Variants in PDE4D observed in about 807,000 individuals in gnomAD.
The protein encoded by PDE4D is phosphodiesterase 4D, also known as 3',5'-cyclic-AMP phosphodiesterase 4D.
Under a neutral mutation model 87.4 loss-of-function variants are expected in PDE4D, and 24 were observed. The ratio of observed to expected loss-of-function variants is 0.27; its 90% CI spans 0.20 to 0.39. PDE4D has a LOEUF of 0.39. PDE4D is among the 10% of genes least tolerant of loss of function. The pLI is 1.00. For missense variants in PDE4D, 714 were observed against 1,041.0 expected, an observed-to-expected ratio of 0.69 and a Z score of 4.32; for synonymous variants, 384 against 383.2, an observed-to-expected ratio of 1.00 and a Z score of -0.02.
chr5:60,342,634 T>C (rs1758408629), intron 1 of PDE4D, among the ~76,000 whole-genome samples: 1 of 152,080 alleles, frequency 6.6e-6, no homozygotes, highest in Non-Finnish European at 1.5e-5. Flanking sequence ...AACAAGACAA[T>C]GTTTAACTCC....
chr5:60,417,178 G>A (rs1333987383), intron 1 of PDE4D, among the ~76,000 whole-genome samples: 2 of 152,218 alleles, frequency 1.3e-5, no homozygotes, highest in African/African-American at 2.4e-5. Context: ...AGTGTGCCCA[G>A]AGAACAGCCT....
intron 1 of PDE4D, among the ~76,000 whole-genome samples, chr5:60,202,909 A>G (rs1742087980): frequency 6.6e-6 from 1 of 152,208 alleles, no homozygotes; most frequent in Non-Finnish European, 1.5e-5. Context: ...TTGAATCAGT[A>G]TGAAAAAAAG....
At chr5:59,491,318 A>G (rs908525747) in intron 1 of PDE4D, among the ~76,000 whole-genome samples, 13 of 152,234 alleles carry the variant, frequency 8.5e-5, no homozygotes, top group African/African-American at 2.9e-4. Context: ...CAGATACTGC[A>G]AAGTAGGTAA....
chr5:59,478,691 A>G (rs1803733360), intron 1 of PDE4D, among the ~76,000 whole-genome samples: 1 of 152,104 alleles, frequency 6.6e-6, no homozygotes, highest in South Asian at 2.1e-4. Context: ...CACCAATTTC[A>G]ATTAAAATCT....
At chr5:59,110,314 C>A (rs13362115) in intron 5 of PDE4D, among the ~76,000 whole-genome samples, 6,825 of 152,244 alleles carry the variant, frequency 0.045, 506 homozygotes, top group African/African-American at 0.16. Context: ...ATAGTTAATT[C>A]TCCAGGGAAA....
intron 1 of PDE4D, among the ~76,000 whole-genome samples, chr5:60,360,703 G>T (rs1413654819): frequency 1.3e-5 from 2 of 152,178 alleles, no homozygotes; most frequent in Admixed American, 1.3e-4. Flanking sequence ...GTCTTCTTTT[G>T]TCATTTTATA....
chr5:60,369,626 T>A (rs937822569), intron 1 of PDE4D, among the ~76,000 whole-genome samples: 2 of 152,132 alleles, frequency 1.3e-5, no homozygotes, highest in Non-Finnish European at 2.9e-5. Context: ...ATGGTCCATG[T>A]CATAGGGACT....
chr5:60,275,013 A>C (rs1028830075), intron 1 of PDE4D, among the ~76,000 whole-genome samples: 7 of 152,218 alleles, frequency 4.6e-5, no homozygotes, highest in African/African-American at 1.7e-4. Flanking sequence ...GCTGCCTCAG[A>C]ATCACTTGAA....
chr5:59,600,713 G>A (rs1324360615), intron 1 of PDE4D, among the ~76,000 whole-genome samples: 4 of 152,120 alleles, frequency 2.6e-5, no homozygotes, highest in Admixed American at 6.6e-5. Context: ...GCTGGTGGGT[G>A]AGCTCATCTG....
intron 1 of PDE4D, among the ~76,000 whole-genome samples, chr5:59,848,764 C>G (rs1244863902): frequency 6.6e-6 from 1 of 152,020 alleles, no homozygotes; most frequent in African/African-American, 2.4e-5. Flanking sequence ...GAAATATCAG[C>G]TGTAAAGTGT....
chr5:59,376,737 A>G (rs747997466), intron 1 of PDE4D, among the ~76,000 whole-genome samples: 1 of 152,198 alleles, frequency 6.6e-6, no homozygotes, highest in Non-Finnish European at 1.5e-5. Flanking sequence ...GGCAATCCTC[A>G]GCAAAAAGAA....
chr5:59,653,530 G>A (rs1287348220), intron 1 of PDE4D, among the ~76,000 whole-genome samples: 2 of 152,158 alleles, frequency 1.3e-5, no homozygotes, highest in Non-Finnish European at 2.9e-5. Flanking sequence ...TAGAAGTGGG[G>A]TGTGGTATAA....
intron 1 of PDE4D, among the ~76,000 whole-genome samples, chr5:59,605,311 T>C (rs1220809866): frequency 6.6e-6 from 1 of 152,158 alleles, no homozygotes; most frequent in Non-Finnish European, 1.5e-5. Flanking sequence ...TACACAATAA[T>C]TGAGTTTTAT....
At chr5:60,091,270 T>C (rs943440794) in intron 2 of PDE4D, among the ~76,000 whole-genome samples, 7 of 152,030 alleles carry the variant, frequency 4.6e-5, no homozygotes, top group Non-Finnish European at 8.8e-5. Flanking sequence ...GGGACTAACA[T>C]CCAGAATATA....
chr5:60,197,054 T>C (rs1464227169), intron 1 of PDE4D, among the ~76,000 whole-genome samples: 2 of 105,102 alleles, frequency 1.9e-5, no homozygotes, highest in African/African-American at 7.9e-5. Flanking sequence ...GATAGATAGA[T>C]AGATAGATAG....
chr5:59,638,276 C>T (rs1012424537), intron 1 of PDE4D, among the ~76,000 whole-genome samples: 1 of 152,120 alleles, frequency 6.6e-6, no homozygotes, highest in African/African-American at 2.4e-5. Context: ...GATCGAATTT[C>T]ATAAAAGCAT....
intron 1 of PDE4D, among the ~76,000 whole-genome samples, chr5:59,583,302 C>CTG (rs1824519943): frequency 6.6e-6 from 1 of 152,202 alleles, no homozygotes; most frequent in Non-Finnish European, 1.5e-5. Context: ...GTCCTCTTAA[C>CTG]TGCTGCTACA....
intron 1 of PDE4D, among the ~76,000 whole-genome samples, chr5:59,830,143 C>A (rs537543675): frequency 6.6e-6 from 1 of 152,070 alleles, no homozygotes; most frequent in South Asian, 2.1e-4. Context: ...ACTGACAGGC[C>A]TTTGTGTATT....
intron 1 of PDE4D, among the ~76,000 whole-genome samples, chr5:59,856,373 T>C (rs7737029): frequency 0.1 from 15,559 of 152,080 alleles, 2,494 homozygotes; most frequent in African/African-American, 0.34. Context: ...ATTAAATATC[T>C]CACTAATCTA....
Sources: allele counts gnomAD v4.1 joint callset (sites outside exome capture counted in the v4.1 genomes callset), GRCh38; gene constraint gnomAD v4.1.1; transcripts MANE v1.5; gene names NCBI Gene and HGNC (gene_info 2026-07-23, HGNC 2026-07-21).